The following NSUN7 variants were observed in gnomAD, a reference collection of about 807,000 sequenced individuals.
NSUN7 encodes protein NSUN7.
NSUN7 carries 39 observed loss-of-function variants against 58.5 expected under a neutral mutation model. That is an observed-to-expected ratio of 0.67 (90% confidence interval 0.52 to 0.87). NSUN7 has a LOEUF of 0.87. Among genes scored for constraint, NSUN7 ranks in the 40% least tolerant of loss-of-function variants. The pLI is 0.00. For synonymous variants in NSUN7, 278 were observed against 303.7 expected, an observed-to-expected ratio of 0.92 and a Z score of 0.88; for missense variants, 765 against 844.1, an observed-to-expected ratio of 0.91 and a Z score of 1.16.
chr4:40,756,516 T>C (rs1020838512), intron 2 of NSUN7, among the ~76,000 whole-genome samples: 2 of 152,104 alleles, frequency 1.3e-5, no homozygotes, highest in African/African-American at 4.8e-5. Context: ...GCATTATCGG[T>C]GTGGTGTATT....
intron 11 of NSUN7, among the ~76,000 whole-genome samples, 198 bp from the exon 12 acceptor site, chr4:40,808,109 G>GT (rs5857747): frequency 1.5e-4 from 22 of 147,702 alleles, no homozygotes; most frequent in African/African-American, 3.3e-4. Flanking sequence ...GGAAGTTTAA[G>GT]TTTTTTTTTT....
At chr4:40,789,466 A>G (rs1400365769) in intron 7 of NSUN7, among the ~76,000 whole-genome samples, 1 of 152,124 alleles carries the variant, frequency 6.6e-6, no homozygotes, top group African/African-American at 2.4e-5. Flanking sequence ...TTTGATAATA[A>G]TAAGGAAACA....
chr4:40,780,361 A>T (rs1490658208), intron 7 of NSUN7, among the ~76,000 whole-genome samples: 1 of 152,070 alleles, frequency 6.6e-6, no homozygotes, highest in Non-Finnish European at 1.5e-5. Context: ...CCATTCCAGC[A>T]CTTTGTGAGG....
chr4:40,757,890 T>C (rs1447382395), intron 2 of NSUN7, among the ~76,000 whole-genome samples: 1 of 132,528 alleles, frequency 7.5e-6, no homozygotes, highest in East Asian at 2.1e-4. Context: ...ATCCTGCCTC[T>C]CCTATTCCTG....
intron 10 of NSUN7, among the ~76,000 whole-genome samples, chr4:40,805,167 C>A (rs889779602): frequency 2.0e-5 from 3 of 152,168 alleles, no homozygotes; most frequent in South Asian, 2.1e-4. Context: ...TAAGAAATTA[C>A]CTCAAACTTA....
chr4:40,760,764 A>G (rs536802727), intron 3 of NSUN7, among the ~76,000 whole-genome samples: 13 of 151,718 alleles, frequency 8.6e-5, no homozygotes, highest in South Asian at 6.3e-4. Flanking sequence ...GGGAGGCTGA[A>G]GCAGGAGAAT....
intron 10 of NSUN7, 79 bp downstream of exon 10, chr4:40,798,983 A>C: frequency 1.6e-6 from 1 of 624,436 alleles, no homozygotes; most frequent in Non-Finnish European, 2.6e-6. Flanking sequence ...TAAGTTGTAT[A>C]AAGACATTCT....
At chr4:40,780,778 CACACACACATACACATATAT>C (rs1197119822) in intron 7 of NSUN7, among the ~76,000 whole-genome samples, 1 of 70,526 alleles carries the variant, frequency 1.4e-5, no homozygotes, top group Non-Finnish European at 2.9e-5. Flanking sequence ...CACACACACA[CACACACACATACACATATAT>C]ATATATATAT....
At chr4:40,774,469 T>C (rs1035095979) in intron 5 of NSUN7, 52 bp downstream of exon 5, 1 of 1,551,716 alleles carries the variant, frequency 6.4e-7, no homozygotes, top group Non-Finnish European at 8.9e-7. Context: ...CCTTTTAAAA[T>C]AATGTGATGA....
chr4:40,786,725 T>G, intron 7 of NSUN7: 2 of 1,544,200 alleles, frequency 1.3e-6, no homozygotes, highest in African/African-American at 1.4e-5. Flanking sequence ...TATCAATACC[T>G]ATTATATCTG....
chr4:40,770,540 C>T (rs2154287387), intron 4 of NSUN7, among the ~76,000 whole-genome samples: 1 of 152,286 alleles, frequency 6.6e-6, no homozygotes, highest in South Asian at 2.1e-4. Context: ...CAGAGTTCAT[C>T]ATTGACCTAA....
intron 2 of NSUN7, among the ~76,000 whole-genome samples, chr4:40,752,596 A>G (rs557875151): frequency 1.3e-5 from 2 of 151,968 alleles, no homozygotes; most frequent in East Asian, 3.9e-4. Flanking sequence ...AATTTTTTGT[A>G]TTTTTAGTAG....
chr4:40,787,380 A>G (rs569785302), intron 7 of NSUN7, among the ~76,000 whole-genome samples: 1 of 151,840 alleles, frequency 6.6e-6, no homozygotes, highest in Non-Finnish European at 1.5e-5. Context: ...AAAAAAAGAA[A>G]ATATAATTTT....
intron 4 of NSUN7, among the ~76,000 whole-genome samples, chr4:40,770,599 C>T (rs1308283819): frequency 6.6e-6 from 1 of 152,090 alleles, no homozygotes; most frequent in Non-Finnish European, 1.5e-5. Context: ...TTAAAGAGAA[C>T]CACAGTTCTG....
Position 40,808,964 on chromosome 4 carries a change from C to T in NSUN7, c.*25C>T, listed in dbSNP as rs752091321. On this transcript the variant is annotated 3_prime_UTR_variant, in exon 12 of 12. Transcript: ENST00000381782. ...ATTGTCTTGTGTTTTTTATAGGGGC[C>T]AAAGAGCAGTTGATTTTTTTTCAAA... 10 of 1,477,148 alleles carry T rather than the reference C, an allele frequency of 6.8e-6. No homozygotes were observed. In the South Asian group the frequency reaches 1.2e-4, roughly 18 times the overall value. 91.5% of individuals were successfully genotyped at this position (1,477,148 alleles called of 1,614,324 possible).
In NSUN7 at chr4:40,770,497, C is replaced by T. The variant is rs76639281; in HGVS notation, c.489-3768C>T. 1.4e-3 allele frequency among the ~76,000 whole-genome samples: 209 copies of T among 152,148 alleles called. 1 individual carries two copies. In the East Asian group the frequency reaches 0.018, roughly 13 times the overall value. On this transcript the variant is annotated intron_variant, in intron 4 of 11. Transcript: ENST00000381782. ...TATTTAAATATAGCAAAGGTACTAC[C>T]GTAGTAAACTTTTATGGGACCACCA...
intron 2 of NSUN7, among the ~76,000 whole-genome samples, chr4:40,759,212 G>C (rs1272939932): frequency 1.3e-5 from 2 of 152,156 alleles, no homozygotes; most frequent in Non-Finnish European, 2.9e-5. Context: ...TTGGTAGGCT[G>C]AGACAGGAGA....
intron 2 of NSUN7, among the ~76,000 whole-genome samples, chr4:40,760,111 C>G (rs1211317610): frequency 6.6e-6 from 1 of 152,104 alleles, no homozygotes; most frequent in Non-Finnish European, 1.5e-5. Flanking sequence ...AACTATTGCT[C>G]AACATTATTA....
At chr4:40,801,635 C>T (rs1182765658) in intron 10 of NSUN7, among the ~76,000 whole-genome samples, 2 of 152,024 alleles carry the variant, frequency 1.3e-5, no homozygotes, top group African/African-American at 2.4e-5. Flanking sequence ...TGGTGGCTCA[C>T]GCCTGTAATC....
Sources: allele counts gnomAD v4.1 joint callset (sites outside exome capture counted in the v4.1 genomes callset), GRCh38; gene constraint gnomAD v4.1.1; transcripts MANE v1.5; gene names NCBI Gene and HGNC (gene_info 2026-07-23, HGNC 2026-07-21).